ASNS: variants seen among roughly 807,000 people sequenced by gnomAD.
ASNS encodes asparagine synthetase (glutamine-hydrolyzing), also known as asparagine synthetase [glutamine-hydrolyzing].
Under a neutral mutation model 62.6 loss-of-function variants are expected in ASNS, and 37 were observed. That is an observed-to-expected ratio of 0.59 (90% confidence interval 0.45 to 0.78). ASNS has a LOEUF of 0.78. Among genes scored for constraint, ASNS ranks in the 30% least tolerant of loss-of-function variants. The pLI is 0.00. For synonymous variants in ASNS, 207 were observed against 237.9 expected (o/e 0.87, Z 1.19); for missense variants, 520 against 682.4 (o/e 0.76, Z 2.65).
the ASNS span, among the ~76,000 whole-genome samples, chr7:97,887,160 C>T: frequency 2.0e-4 from 30 of 152,312 alleles, no homozygotes; most frequent in Non-Finnish European, 3.7e-4. Flanking sequence ...ATCAGCCAAT[C>T]GTTGCCCCTT....
the ASNS span, among the ~76,000 whole-genome samples, chr7:97,896,365 G>A: frequency 4.8e-3 from 680 of 142,954 alleles, no homozygotes; most frequent in African/African-American, 0.014. Flanking sequence ...AAGGCGGGTG[G>A]ATCACAAGGT....
At chr7:97,888,326 C>CTTTTTTTTTTT in the ASNS span, among the ~76,000 whole-genome samples, 1 of 132,424 alleles carries the variant, frequency 7.6e-6, no homozygotes. Flanking sequence ...GGGTTGCTTT[C>CTTTTTTTTTTT]TTTTTTTTTT....
At chr7:97,921,915 G>A in the ASNS span, among the ~76,000 whole-genome samples, 10 of 152,244 alleles carry the variant, frequency 6.6e-5, no homozygotes, top group African/African-American at 2.4e-4. Flanking sequence ...ACAATGTAGT[G>A]TACATACACA....
At chr7:97,876,949 G>A (rs1389845060), upstream of ASNS, among the ~76,000 whole-genome samples, 1 of 152,078 alleles carries the variant, frequency 6.6e-6, no homozygotes, top group East Asian at 1.9e-4. Flanking sequence ...GGTGGACTTT[G>A]CTAAATTCTA....
At chr7:97,900,803 A>T in the ASNS span, among the ~76,000 whole-genome samples, 1 of 152,036 alleles carries the variant, frequency 6.6e-6, no homozygotes, top group Non-Finnish European at 1.5e-5. Flanking sequence ...AACTTTATGA[A>T]TGATGAGGGG....
At position 97,852,232 on chromosome 7, in the gene ASNS, G is replaced by A; in HGVS notation, c.*27C>T. On this transcript the variant is annotated 3_prime_UTR_variant, in exon 13 of 13. Coordinates refer to ENST00000394308, the MANE Select transcript of ASNS (RefSeq NM_001673.5). ...CCCCATCCAACACGAAGAAATATTT[G>A]CTTTCACATTACAGCATAAAGACCA... 6.2e-7 allele frequency: 1 copy of A among 1,610,894 alleles called. No individual in the cohort carries two copies. Among genetic ancestry groups the A allele is most frequent in the Non-Finnish European group, 8.5e-7 (1 of 1,177,666 alleles).
the ASNS span, among the ~76,000 whole-genome samples, chr7:97,902,259 G>C: frequency 3.3e-5 from 5 of 152,170 alleles, no homozygotes; most frequent in African/African-American, 1.2e-4. Context: ...GGTGGCCCCT[G>C]GTGCTCATTT....
intron 8 of ASNS, among the ~76,000 whole-genome samples, chr7:97,856,081 G>A: frequency 6.6e-6 from 1 of 152,074 alleles, no homozygotes; most frequent in East Asian, 1.9e-4. Flanking sequence ...CTGTCTATCT[G>A]CTTATTTACT....
rs113447333 is a variant in ASNS at position 97,858,971 on chromosome 7, T to G, written c.674-16A>C. The G allele has an allele frequency of 3.8e-6, 6 of 1,588,444 alleles. No homozygotes were observed. In the South Asian group the frequency reaches 6.9e-5, roughly 18 times the overall value. On this transcript the variant is annotated splice_polypyrimidine_tract_variant and intron_variant, in intron 5 of 12. Coordinates refer to ENST00000394308, the MANE Select transcript of ASNS (RefSeq NM_001673.5). ...ATCTCAAAACCTATAAACACAGCAG[T>G]AAATCAAACAGCTCCAGAAAATCTT...
chr7:97,860,089 T>C (rs1449637151), intron 4 of ASNS, among the ~76,000 whole-genome samples: 5 of 152,200 alleles, frequency 3.3e-5, no homozygotes, highest in Non-Finnish European at 7.3e-5. Context: ...CAATTTGAGA[T>C]TGTCTACCCA....
chr7:97,877,490 G>A (rs534667516), upstream of ASNS, among the ~76,000 whole-genome samples: 153 of 152,338 alleles, frequency 1.0e-3, no homozygotes, highest in African/African-American at 3.4e-3. Context: ...CATGAGCCAA[G>A]GGTCTGGGCA....
chr7:97,888,806 T>G, the ASNS span, among the ~76,000 whole-genome samples: 1 of 152,208 alleles, frequency 6.6e-6, no homozygotes, highest in African/African-American at 2.4e-5. Flanking sequence ...TATCTAGAAA[T>G]GCATAGGAAT....
intron 1 of ASNS, 95 bp downstream of exon 1, chr7:97,872,256 C>G (rs1792312792): frequency 6.6e-6 from 1 of 151,382 alleles, no homozygotes; most frequent in African/African-American, 2.5e-5. Context: ...GGCTGAAGAC[C>G]GCATCCTCCA....
intron 1 of ASNS, among the ~76,000 whole-genome samples, chr7:97,871,438 A>T (rs1792251281): frequency 6.6e-6 from 1 of 152,144 alleles, no homozygotes; most frequent in Non-Finnish European, 1.5e-5. Context: ...AACTACAGAC[A>T]GGTTCAAGCC....
the ASNS span, among the ~76,000 whole-genome samples, chr7:97,898,108 C>G: frequency 6.6e-6 from 1 of 150,980 alleles, no homozygotes; most frequent in Non-Finnish European, 1.5e-5. Flanking sequence ...TTTTTTTCTT[C>G]TTTTTGGAGA....
At chr7:97,879,543 G>A in the ASNS span, among the ~76,000 whole-genome samples, 1 of 152,214 alleles carries the variant, frequency 6.6e-6, no homozygotes, top group Non-Finnish European at 1.5e-5. Flanking sequence ...CATGTCATGA[G>A]TGGCCAGATG....
chr7:97,889,000 G>C, the ASNS span, among the ~76,000 whole-genome samples: 1 of 152,120 alleles, frequency 6.6e-6, no homozygotes, highest in Admixed American at 6.5e-5. Context: ...GAGCCCAGTG[G>C]TGCACCTGCC....
At chr7:97,854,459 A>G (rs1791333502) in intron 10 of ASNS, 121 bp downstream of exon 10, 5 of 1,202,968 alleles carry the variant, frequency 4.2e-6, no homozygotes, top group Admixed American at 2.6e-5. Flanking sequence ...ATAGCCAACT[A>G]TATGTAACAT....
At chr7:97,912,293 T>A in the ASNS span, among the ~76,000 whole-genome samples, 7 of 152,334 alleles carry the variant, frequency 4.6e-5, no homozygotes, top group African/African-American at 1.7e-4. Flanking sequence ...TCACTTTTGT[T>A]TGCAGATATT....
Sources: gnomAD v4.1 joint callset for allele counts (sites outside exome capture counted in the v4.1 genomes callset) on GRCh38, gnomAD v4.1.1 for gene constraint, MANE v1.5 for transcripts, NCBI Gene and HGNC (gene_info 2026-07-23, HGNC 2026-07-21) for gene names.